Variants in PDSS2 observed in about 807,000 individuals in gnomAD.
PDSS2 encodes the protein decaprenyl diphosphate synthase subunit 2, also known as all trans-polyprenyl-diphosphate synthase PDSS2.
A neutral mutation model predicts 44.5 loss-of-function variants in PDSS2; 31 were observed. The observed-to-expected ratio is 0.70, with a 90% CI of 0.52 to 0.94. The LOEUF (loss-of-function observed/expected upper bound fraction) is 0.94. PDSS2 is among the 40% of genes least tolerant of loss of function. The pLI is 0.00. For missense variants in PDSS2, 452 were observed against 482.2 expected, an observed-to-expected ratio of 0.94 and a Z score of 0.59; for synonymous variants, 157 against 180.3, an observed-to-expected ratio of 0.87 and a Z score of 1.03.
At chr6:107,278,050 T>C (rs753734099) in intron 2 of PDSS2, among the ~76,000 whole-genome samples, 2 of 151,538 alleles carry the variant, frequency 1.3e-5, no homozygotes, top group Non-Finnish European at 2.9e-5. Flanking sequence ...AAAAACAGAA[T>C]GGTTTAACAT....
At chr6:107,419,811 C>T (rs1035822857) in intron 1 of PDSS2, among the ~76,000 whole-genome samples, 1 of 152,160 alleles carries the variant, frequency 6.6e-6, no homozygotes, top group Non-Finnish European at 1.5e-5. Flanking sequence ...GTTAACTTAG[C>T]ATCACCTCAT....
At chr6:107,178,479 T>C (rs890848027) in intron 7 of PDSS2, among the ~76,000 whole-genome samples, 1 of 152,218 alleles carries the variant, frequency 6.6e-6, no homozygotes, top group Non-Finnish European at 1.5e-5. Context: ...TTATTATCTA[T>C]AAAACTTTCT....
chr6:107,252,286 T>A (rs776804521), intron 3 of PDSS2, among the ~76,000 whole-genome samples: 9 of 152,170 alleles, frequency 5.9e-5, no homozygotes, highest in Non-Finnish European at 1.3e-4. Context: ...ATGTAGACAA[T>A]GATGAAAGGG....
At chr6:107,330,000 CAAAA>C (rs1373675376) in intron 2 of PDSS2, among the ~76,000 whole-genome samples, 4 of 64,954 alleles carry the variant, frequency 6.2e-5, no homozygotes. Context: ...GACTCTGTCT[CAAAA>C]AAAAAAAAAA....
Position 107,274,084 on chromosome 6 carries a change from C to G in PDSS2, c.575G>C (p.Gly192Ala). 6.2e-7 allele frequency: 1 copy of G among 1,614,046 alleles called. No individual in the cohort carries two copies. The highest frequency in any genetic ancestry group is 8.5e-7 in the Non-Finnish European group (1 of 1,179,920). ...QFGNKIAILSGDFLLANACNG... is the reference protein window; with the variant it reads ...QFGNKIAILSADFLLANACNG... ...GCAGGCATTTGCTAGAAGAAAGTCTCCACTCAGGATAGCAATTTTATTTCC... is the reference window on the plus strand; with the variant it reads ...GCAGGCATTTGCTAGAAGAAAGTCTGCACTCAGGATAGCAATTTTATTTCC... Residue 192 changes from glycine (G) to alanine (A), a missense_variant, in exon 3 of 8, where the codon GGA becomes GCA. By Grantham distance (60) the Gly-to-Ala change is moderately conservative (BLOSUM62 0). Transcript: ENST00000369037.
At chr6:107,242,592 G>C (rs921225717) in intron 4 of PDSS2, among the ~76,000 whole-genome samples, 1 of 152,152 alleles carries the variant, frequency 6.6e-6, no homozygotes, top group African/African-American at 2.4e-5. Context: ...ACCCAGGCTG[G>C]AGTACAGTGG....
At chr6:107,364,367 T>G (rs1778892465) in intron 1 of PDSS2, among the ~76,000 whole-genome samples, 1 of 151,464 alleles carries the variant, frequency 6.6e-6, no homozygotes, top group Non-Finnish European at 1.5e-5. Context: ...CATGGCGGGC[T>G]GCAGGTCCCC....
intron 4 of PDSS2, among the ~76,000 whole-genome samples, chr6:107,234,899 A>T (rs939774877): frequency 4.6e-5 from 7 of 152,194 alleles, no homozygotes; most frequent in African/African-American, 1.4e-4. Context: ...ATAAATTTTT[A>T]AAAGTCCTGA....
At chr6:107,448,490 C>A (rs1408518073) in intron 1 of PDSS2, among the ~76,000 whole-genome samples, 1 of 152,174 alleles carries the variant, frequency 6.6e-6, no homozygotes. Context: ...TACTCCAGTT[C>A]CCAACAAGTT....
rs199914550 is a variant in PDSS2, at chr6:107,447,478, C to T, written c.296+11512G>A. Reference sequence around the variant, plus strand: ...GGGGATACAGGCCCCACATCAAGTCCGGAATCCAACAGGGCAGTCATTAAA... The same window carrying T: ...GGGGATACAGGCCCCACATCAAGTCTGGAATCCAACAGGGCAGTCATTAAA... On this transcript the variant is annotated intron_variant, in intron 1 of 7. Transcript: ENST00000369037. Among the ~76,000 whole-genome samples the T allele has an allele frequency of 6.6e-5, 10 of 152,294 alleles. No individual in the cohort carries two copies. In the East Asian group the frequency reaches 7.7e-4, roughly 12 times the overall value.
chr6:107,202,302 G>T (rs946515135), intron 6 of PDSS2, among the ~76,000 whole-genome samples: 5 of 151,990 alleles, frequency 3.3e-5, no homozygotes, highest in African/African-American at 1.2e-4. Flanking sequence ...GCCTCCCAAA[G>T]TGCTGGGATT....
intron 5 of PDSS2, among the ~76,000 whole-genome samples, chr6:107,211,557 T>C (rs369410958): frequency 7.3e-4 from 111 of 151,502 alleles, no homozygotes; most frequent in Admixed American, 9.9e-4. Context: ...TGGTGAAACC[T>C]CGTCTCTACT....
At chr6:107,249,788 G>A (rs1774751498) in intron 3 of PDSS2, among the ~76,000 whole-genome samples, 1 of 152,126 alleles carries the variant, frequency 6.6e-6, no homozygotes, top group Non-Finnish European at 1.5e-5. Context: ...GACAGTAAAT[G>A]GACAGTGCAT....
Position 107,240,246 on chromosome 6 carries a change from A to C in PDSS2, c.702+5302T>G, listed in dbSNP as rs1037514670. ...AGTATGGTGAGACCTTGTCTCTACA[A>C]AAGTTTTAAAAAATTAGACAGGTGT... is the stretch of plus-strand genomic sequence containing the variant. On this transcript the variant is annotated intron_variant, in intron 4 of 7. Coordinates refer to ENST00000369037, the MANE Select transcript of PDSS2 (RefSeq NM_020381.4). Among the ~76,000 whole-genome samples, 3 of 152,004 alleles carry C rather than the reference A, an allele frequency of 2.0e-5. No homozygotes were observed. In the South Asian group the frequency reaches 6.2e-4, roughly 32 times the overall value.
chr6:107,235,327 G>T (rs139246645), intron 4 of PDSS2, among the ~76,000 whole-genome samples: 3 of 152,246 alleles, frequency 2.0e-5, no homozygotes, highest in African/African-American at 7.2e-5. Flanking sequence ...TCCAGGGAAA[G>T]AATCACCCAG....
chr6:107,156,453 C>G (rs1770901409), intron 7 of PDSS2, among the ~76,000 whole-genome samples: 1 of 151,982 alleles, frequency 6.6e-6, no homozygotes, highest in Non-Finnish European at 1.5e-5. Flanking sequence ...CTCGGCCTCC[C>G]AAAGTGCTGG....
At chr6:107,286,638 A>G (rs1481287772) in intron 2 of PDSS2, among the ~76,000 whole-genome samples, 1 of 152,188 alleles carries the variant, frequency 6.6e-6, no homozygotes, top group East Asian at 1.9e-4. Context: ...GCTTACCCAA[A>G]TAAGTAAGTT....
Position 107,330,000 on chromosome 6 carries a change from C to CAAA in PDSS2, c.431+4195_431+4197dup, listed in dbSNP as rs1373675376. On this transcript the variant is annotated intron_variant, in intron 2 of 7. Transcript: ENST00000369037. The stretch of plus-strand genomic sequence containing the variant: ...TAGGTGATAGAGCGAGACTCTGTCT[C>CAAA]AAAAAAAAAAAAAAAAAGGAAAAAG... 3.1e-4 allele frequency among the ~76,000 whole-genome samples: 20 copies of CAAA among 64,976 alleles called. No homozygotes were observed. The East Asian group carries it at 4.6e-3, about 15-fold the overall frequency. 42.6% of individuals were successfully genotyped at this position (64,976 alleles called of 152,430 possible).
intron 1 of PDSS2, among the ~76,000 whole-genome samples, chr6:107,353,683 A>G (rs963502187): frequency 1.3e-5 from 2 of 152,076 alleles, no homozygotes; most frequent in African/African-American, 4.8e-5. Flanking sequence ...TAGCATTAAC[A>G]CTTTCTTCCC....
Sources: allele counts gnomAD v4.1 joint callset (sites outside exome capture counted in the v4.1 genomes callset), GRCh38; gene constraint gnomAD v4.1.1; transcripts MANE v1.5; gene names NCBI Gene and HGNC (gene_info 2026-07-23, HGNC 2026-07-21).